Variants in CCDC91 observed in about 807,000 individuals in gnomAD.
CCDC91 encodes the protein coiled-coil domain-containing protein 91.
A neutral mutation model predicts 63.2 loss-of-function variants in CCDC91; 48 were observed. That is an observed-to-expected ratio of 0.76 (90% CI 0.60 to 0.97). The LOEUF (loss-of-function observed/expected upper bound fraction) is 0.97, where lower values mean the gene tolerates loss of function less well. Among genes scored for constraint, CCDC91 ranks in the 50% least tolerant of loss-of-function variants. CCDC91 has a pLI of 0.00. For synonymous variants in CCDC91, 167 were observed against 165.8 expected (o/e 1.01, Z -0.06); for missense variants, 500 against 494.6 (o/e 1.01, Z -0.10).
chr12:28,247,071 G>A (rs1373813454), intron 1 of CCDC91, among the ~76,000 whole-genome samples: 1 of 152,192 alleles, frequency 6.6e-6, no homozygotes, highest in Non-Finnish European at 1.5e-5. Context: ...GTAGTGATTT[G>A]GCCAGCATCA....
chr12:28,419,049 T>A (rs542543755), intron 8 of CCDC91, among the ~76,000 whole-genome samples: 3 of 152,260 alleles, frequency 2.0e-5, no homozygotes, highest in African/African-American at 7.2e-5. Flanking sequence ...TCTTTTTTTG[T>A]CAGATATTCT....
intron 3 of CCDC91, among the ~76,000 whole-genome samples, chr12:28,262,132 A>G (rs1334332431): frequency 6.6e-6 from 1 of 152,006 alleles, no homozygotes; most frequent in Non-Finnish European, 1.5e-5. Context: ...AATCATTTCC[A>G]CAGTAAAGAC....
At chr12:28,309,414 A>G (rs1939083654) in intron 6 of CCDC91, among the ~76,000 whole-genome samples, 2 of 152,182 alleles carry the variant, frequency 1.3e-5, no homozygotes, top group Non-Finnish European at 2.9e-5. Flanking sequence ...GTAGGATATT[A>G]ACAAGTTTTA....
At chr12:28,400,282 A>C (rs1356076958) in intron 8 of CCDC91, among the ~76,000 whole-genome samples, 1 of 152,066 alleles carries the variant, frequency 6.6e-6, no homozygotes, top group Admixed American at 6.5e-5. Flanking sequence ...GGCCCCTTTT[A>C]GTCATGGCTG....
At chr12:28,368,714 A>G (rs1310638834) in intron 7 of CCDC91, among the ~76,000 whole-genome samples, 1 of 152,200 alleles carries the variant, frequency 6.6e-6, no homozygotes, top group East Asian at 1.9e-4. Flanking sequence ...ACTAGAGACT[A>G]ATTTATAAAG....
At chr12:28,543,572 C>T (rs1392685048) in intron 12 of CCDC91, among the ~76,000 whole-genome samples, 3 of 152,032 alleles carry the variant, frequency 2.0e-5, no homozygotes, top group African/African-American at 7.2e-5. Flanking sequence ...CCGAGTGTCC[C>T]AGGACTTAGT....
intron 7 of CCDC91, among the ~76,000 whole-genome samples, chr12:28,374,682 T>A (rs1944836070): frequency 6.6e-6 from 1 of 152,150 alleles, no homozygotes; most frequent in Non-Finnish European, 1.5e-5. Flanking sequence ...TAAGTTATGA[T>A]AGGACTTAAA....
intron 11 of CCDC91, among the ~76,000 whole-genome samples, chr12:28,464,543 C>G (rs994066499): frequency 1.3e-5 from 2 of 152,192 alleles, no homozygotes; most frequent in Admixed American, 6.5e-5. Context: ...CACGAGGCCT[C>G]CTTTCCAGGC....
chr12:28,202,947 A>G (rs1338449100), intron 1 of CCDC91, among the ~76,000 whole-genome samples: 5 of 152,210 alleles, frequency 3.3e-5, no homozygotes, highest in Admixed American at 6.5e-5. Flanking sequence ...GGAAAAGGTT[A>G]TTGGCACTGG....
At chr12:28,465,628 TA>T (rs1950513998) in intron 11 of CCDC91, among the ~76,000 whole-genome samples, 1 of 152,172 alleles carries the variant, frequency 6.6e-6, no homozygotes, top group African/African-American at 2.4e-5. Flanking sequence ...GGGTCTCCGC[TA>T]AAGAAGTTCC....
chr12:28,312,848 C>G (rs576947827), intron 6 of CCDC91, among the ~76,000 whole-genome samples: 5 of 152,152 alleles, frequency 3.3e-5, no homozygotes, highest in Middle Eastern at 6.8e-3. Context: ...CTCTTGTCTG[C>G]TGCCATGTGA....
At chr12:28,311,706 GT>G (rs964768452) in intron 6 of CCDC91, among the ~76,000 whole-genome samples, 1 of 151,110 alleles carries the variant, frequency 6.6e-6, no homozygotes, top group Non-Finnish European at 1.5e-5. Context: ...GGCCATGCGT[GT>G]TTTTTTTTAA....
At chr12:28,522,399 C>T (rs1008578985) in intron 12 of CCDC91, among the ~76,000 whole-genome samples, 1 of 152,152 alleles carries the variant, frequency 6.6e-6, no homozygotes. Flanking sequence ...GTTTGTATTT[C>T]TGTGGGATCG....
chr12:28,415,800 T>C (rs1315625850), intron 8 of CCDC91, among the ~76,000 whole-genome samples: 2 of 152,024 alleles, frequency 1.3e-5, no homozygotes, highest in Admixed American at 6.6e-5. Context: ...GGAGACATGA[T>C]TTTAAAAACT....
intron 1 of CCDC91, among the ~76,000 whole-genome samples, chr12:28,210,751 G>C (rs1386730046): frequency 6.6e-6 from 1 of 151,888 alleles, no homozygotes; most frequent in Admixed American, 6.6e-5. Flanking sequence ...GATTTGTGGA[G>C]GGTAAGATAA....
chr12:28,262,450 A>G (rs1054621512), intron 3 of CCDC91, among the ~76,000 whole-genome samples: 2 of 152,040 alleles, frequency 1.3e-5, no homozygotes, highest in Non-Finnish European at 2.9e-5. Flanking sequence ...TAGTGATTCT[A>G]CTGCTTCAGG....
intron 1 of CCDC91, among the ~76,000 whole-genome samples, chr12:28,201,699 C>T (rs62388762): frequency 0.012 from 1,662 of 139,972 alleles, 26 homozygotes; most frequent in Non-Finnish European, 0.02. Flanking sequence ...GAGGTTGTAG[C>T]GAGCCGAGAT....
intron 6 of CCDC91, among the ~76,000 whole-genome samples, chr12:28,351,250 G>C (rs976660404): frequency 1.3e-5 from 2 of 152,182 alleles, no homozygotes; most frequent in African/African-American, 4.8e-5. Context: ...TGTGAAACTA[G>C]AAAACAAGTC....
chr12:28,206,482 CTAT>C (rs1942858660), intron 1 of CCDC91, among the ~76,000 whole-genome samples: 1 of 152,142 alleles, frequency 6.6e-6, no homozygotes, highest in African/African-American at 2.4e-5. Flanking sequence ...ACTAGGGAGA[CTAT>C]TATTATGACT....
Sources: allele counts gnomAD v4.1 joint callset (sites outside exome capture counted in the v4.1 genomes callset), GRCh38; gene constraint gnomAD v4.1.1; transcripts MANE v1.5; gene names NCBI Gene and HGNC (gene_info 2026-07-23, HGNC 2026-07-21).